The following MYO1B variants were observed in gnomAD, a reference collection of about 807,000 sequenced individuals.
MYO1B encodes unconventional myosin-Ib.
MYO1B carries 72 observed loss-of-function variants against 159.7 expected under a neutral mutation model. That is an observed-to-expected ratio of 0.45 (90% confidence interval 0.37 to 0.55). The LOEUF (loss-of-function observed/expected upper bound fraction) is 0.55, where lower values mean the gene tolerates loss of function less well. Ranked by LOEUF, MYO1B falls within the 20% of genes least tolerant of loss-of-function variation. The pLI is 0.00. For synonymous variants in MYO1B, 468 were observed against 473.8 expected, an observed-to-expected ratio of 0.99 and a Z score of 0.16; for missense variants, 1,062 against 1,364.8, an observed-to-expected ratio of 0.78 and a Z score of 3.50.
intron 1 of MYO1B, among the ~76,000 whole-genome samples, chr2:191,254,317 A>G (rs1686305132): frequency 6.6e-6 from 1 of 152,082 alleles, no homozygotes; most frequent in Admixed American, 6.5e-5. Flanking sequence ...GGTTCAAGCA[A>G]TTCTCCTGCC....
intron 18 of MYO1B, among the ~76,000 whole-genome samples, chr2:191,391,151 A>G (rs537816608): frequency 4.3e-4 from 66 of 152,354 alleles, no homozygotes; most frequent in African/African-American, 1.6e-3. Flanking sequence ...CAGGAGAGAA[A>G]TCAAGCCTTA....
intron 5 of MYO1B, among the ~76,000 whole-genome samples, chr2:191,345,785 A>G (rs1476653509): frequency 1.3e-5 from 2 of 152,220 alleles, no homozygotes; most frequent in East Asian, 3.8e-4. Context: ...AATTAATTAA[A>G]CAATTTAAAG....
At chr2:191,349,727 G>A (rs1007694119) in intron 6 of MYO1B, among the ~76,000 whole-genome samples, 3 of 152,092 alleles carry the variant, frequency 2.0e-5, no homozygotes, top group African/African-American at 4.8e-5. Context: ...ATCTCTGAAC[G>A]TTTCAATTCA....
chr2:191,304,292 C>T (rs571650175), intron 3 of MYO1B, among the ~76,000 whole-genome samples: 16 of 152,288 alleles, frequency 1.1e-4, no homozygotes, highest in Admixed American at 5.2e-4. Flanking sequence ...TTCTTTCAGC[C>T]GGGCACGTTG....
At chr2:191,376,214 TTAGC>T (rs1194138298) in intron 13 of MYO1B, among the ~76,000 whole-genome samples, 7 of 152,174 alleles carry the variant, frequency 4.6e-5, no homozygotes, top group African/African-American at 1.7e-4. Context: ...TTCTAAACCT[TTAGC>T]TAGTCATTCA....
At chr2:191,372,671 C>T (rs1427359353) in intron 13 of MYO1B, among the ~76,000 whole-genome samples, 1 of 152,098 alleles carries the variant, frequency 6.6e-6, no homozygotes, top group African/African-American at 2.4e-5. Context: ...GTCAGATGTT[C>T]CTGTGTAAAC....
chr2:191,321,011 G>A (rs1690675997), intron 3 of MYO1B, among the ~76,000 whole-genome samples: 1 of 152,100 alleles, frequency 6.6e-6, no homozygotes, highest in African/African-American at 2.4e-5. Flanking sequence ...ACTGGGGGCT[G>A]TCAGAGTTAG....
intron 20 of MYO1B, among the ~76,000 whole-genome samples, chr2:191,396,116 A>G (rs888266869): frequency 1.3e-5 from 2 of 152,222 alleles, no homozygotes; most frequent in Non-Finnish European, 2.9e-5. Flanking sequence ...TTTTCATTCA[A>G]TATGCATTTA....
chr2:191,332,114 C>G (rs1454517447), intron 4 of MYO1B, among the ~76,000 whole-genome samples: 1 of 152,154 alleles, frequency 6.6e-6, no homozygotes, highest in Non-Finnish European at 1.5e-5. Flanking sequence ...AGGTGCCCAC[C>G]ACCACGCCCG....
chr2:191,380,954 A>G (rs1695004904), intron 13 of MYO1B: 2 of 242,626 alleles, frequency 8.2e-6, no homozygotes, highest in Non-Finnish European at 1.6e-5. Flanking sequence ...GTACATGTGT[A>G]TACTTACACA....
At chr2:191,334,809 CA>C (rs1016412714) in intron 4 of MYO1B, among the ~76,000 whole-genome samples, 3 of 152,132 alleles carry the variant, frequency 2.0e-5, no homozygotes, top group African/African-American at 2.4e-5. Flanking sequence ...GCACCAGTTC[CA>C]AATCTCATGT....
intron 27 of MYO1B, among the ~76,000 whole-genome samples, chr2:191,411,945 CAAAG>C (rs1189639355): frequency 6.6e-6 from 1 of 152,070 alleles, no homozygotes; most frequent in Non-Finnish European, 1.5e-5. Flanking sequence ...AATGAATGGC[CAAAG>C]AAAGAATGTA....
intron 21 of MYO1B, 94 bp downstream of exon 21, chr2:191,396,591 C>T (rs941223914): frequency 1.3e-5 from 15 of 1,111,916 alleles, no homozygotes; most frequent in Middle Eastern, 2.3e-4. Context: ...AGGAGGGGCT[C>T]CTCTGTCTCC....
intron 13 of MYO1B, among the ~76,000 whole-genome samples, chr2:191,373,460 A>G (rs1230901309): frequency 6.6e-6 from 1 of 152,116 alleles, no homozygotes; most frequent in Non-Finnish European, 1.5e-5. Flanking sequence ...TGTATGAAAC[A>G]CCCTTGTAAA....
intron 2 of MYO1B, among the ~76,000 whole-genome samples, chr2:191,279,728 CTGTTTTT>C (rs1687943956): frequency 6.6e-6 from 1 of 152,066 alleles, no homozygotes; most frequent in Non-Finnish European, 1.5e-5. Context: ...CTGCTTCACT[CTGTTTTT>C]CAATTCTTTC....
intron 27 of MYO1B, among the ~76,000 whole-genome samples, chr2:191,411,889 AT>A (rs1340121065): frequency 6.6e-6 from 1 of 152,226 alleles, no homozygotes; most frequent in Non-Finnish European, 1.5e-5. Flanking sequence ...AAAAAAGTAG[AT>A]TGTACAATTT....
chr2:191,263,435 A>G (rs959541424), intron 1 of MYO1B: 18 of 611,128 alleles, frequency 2.9e-5, no homozygotes, highest in Admixed American at 1.9e-4. Context: ...TAATTTTGTC[A>G]TTTAAAAAGA....
At chr2:191,271,344 A>C (rs1446646835) in intron 1 of MYO1B, among the ~76,000 whole-genome samples, 9 of 152,206 alleles carry the variant, frequency 5.9e-5, no homozygotes, top group Non-Finnish European at 1.3e-4. Flanking sequence ...GCTTTCACTA[A>C]GTTTTCCTGC....
At chr2:191,315,861 G>T (rs987552444) in intron 3 of MYO1B, among the ~76,000 whole-genome samples, 6 of 152,206 alleles carry the variant, frequency 3.9e-5, no homozygotes, top group Admixed American at 3.9e-4. Flanking sequence ...ATAAGTAAGT[G>T]GCTGTCACCC....
Sources: allele counts gnomAD v4.1 joint callset (sites outside exome capture counted in the v4.1 genomes callset), GRCh38; gene constraint gnomAD v4.1.1; transcripts MANE v1.5; gene names NCBI Gene and HGNC (gene_info 2026-07-23, HGNC 2026-07-21).